KDM4C: variants seen among roughly 807,000 people sequenced by gnomAD.
KDM4C encodes lysine demethylase 4C.
In KDM4C, 81 loss-of-function variants were observed where a neutral mutation model predicts 129.3. That is an observed-to-expected ratio of 0.63 (90% CI 0.52 to 0.75). The LOEUF (loss-of-function observed/expected upper bound fraction) is 0.75. Ranked by LOEUF, KDM4C falls within the 30% of genes least tolerant of loss-of-function variation. The pLI is 0.00. For missense variants in KDM4C, 1,457 were observed against 1,304.0 expected, an observed-to-expected ratio of 1.12 and a Z score of -1.81; for synonymous variants, 573 against 456.1, an observed-to-expected ratio of 1.26 and a Z score of -3.26.
At chr9:6,883,704 A>G (rs1844823496) in intron 6 of KDM4C, among the ~76,000 whole-genome samples, 1 of 151,994 alleles carries the variant, frequency 6.6e-6, no homozygotes, top group Non-Finnish European at 1.5e-5. Flanking sequence ...ACTAGTAGGG[A>G]GGAATTATGG....
intron 17 of KDM4C, among the ~76,000 whole-genome samples, chr9:7,078,105 T>A (rs910239871): frequency 6.6e-6 from 1 of 152,222 alleles, no homozygotes; most frequent in Non-Finnish European, 1.5e-5. Flanking sequence ...TTATTTATTT[T>A]TTAATGCATT....
At chr9:7,046,292 G>A (rs746735160) in intron 15 of KDM4C, among the ~76,000 whole-genome samples, 13 of 151,952 alleles carry the variant, frequency 8.6e-5, no homozygotes, top group African/African-American at 1.2e-4. Flanking sequence ...TTCTCGGGCC[G>A]GATAGCTGGG....
chr9:6,937,912 A>G (rs112857047), intron 8 of KDM4C, among the ~76,000 whole-genome samples: 40 of 152,150 alleles, frequency 2.6e-4, no homozygotes, highest in African/African-American at 8.9e-4. Context: ...GGGATTCACC[A>G]TGTTGGCCAG....
intron 17 of KDM4C, among the ~76,000 whole-genome samples, chr9:7,091,015 G>T (rs571157293): frequency 1.3e-5 from 2 of 152,272 alleles, no homozygotes; most frequent in African/African-American, 4.8e-5. Context: ...GGGCAGGTGG[G>T]CCAGGTTGTG....
chr9:6,784,316 A>T (rs1825009706), intron 1 of KDM4C, among the ~76,000 whole-genome samples: 1 of 152,152 alleles, frequency 6.6e-6, no homozygotes, highest in African/African-American at 2.4e-5. Context: ...AGAAAATAAA[A>T]ATCCAGTTAG....
At chr9:6,877,509 T>C (rs944267195) in intron 5 of KDM4C, among the ~76,000 whole-genome samples, 2 of 152,194 alleles carry the variant, frequency 1.3e-5, no homozygotes, top group Non-Finnish European at 2.9e-5. Flanking sequence ...CTAACAAGAT[T>C]ATTTTTAAGG....
intron 8 of KDM4C, among the ~76,000 whole-genome samples, chr9:6,942,252 T>C (rs1343215601): frequency 6.6e-6 from 1 of 150,708 alleles, no homozygotes; most frequent in Non-Finnish European, 1.5e-5. Flanking sequence ...TTTAGCCTTA[T>C]CTATTTCTTT....
chr9:6,832,388 T>C (rs1834995873), intron 4 of KDM4C, among the ~76,000 whole-genome samples: 1 of 149,982 alleles, frequency 6.7e-6, no homozygotes, highest in Non-Finnish European at 1.5e-5. Context: ...GTCTAGAAAA[T>C]ATGAATAAAG....
chr9:6,858,655 C>T (rs955332440), intron 5 of KDM4C, among the ~76,000 whole-genome samples: 3 of 152,052 alleles, frequency 2.0e-5, no homozygotes, highest in African/African-American at 7.2e-5. Flanking sequence ...CGCCTGTAAT[C>T]CCAGCTACTC....
intron 4 of KDM4C, among the ~76,000 whole-genome samples, chr9:6,825,393 A>T (rs575460490): frequency 6.6e-6 from 1 of 152,232 alleles, no homozygotes; most frequent in Non-Finnish European, 1.5e-5. Context: ...GGTAAGATAC[A>T]TAGCAAAAGA....
Position 6,973,740 on chromosome 9 carries a change from A to C in KDM4C, c.922-7185A>C, listed in dbSNP as rs561050653. The stretch of plus-strand genomic sequence containing the variant: ...AAATTTTTCTCCTTATTGATTTGTT[A>C]ATCAATCCTCATCCCTTCCCTTCTT... On this transcript the variant is annotated intron_variant, in intron 8 of 21. Coordinates refer to ENST00000381309, the MANE Select transcript of KDM4C (RefSeq NM_015061.6). 4 of 152,276 alleles carry C rather than the reference A, an allele frequency of 2.6e-5. No individual in the cohort carries two copies. The South Asian group carries it at 8.3e-4, about 32-fold the overall frequency. 9.4% of individuals were successfully genotyped at this position (152,276 alleles called of 1,614,324 possible).
chr9:6,974,382 C>T (rs112610714), intron 8 of KDM4C, among the ~76,000 whole-genome samples: 1 of 152,184 alleles, frequency 6.6e-6, no homozygotes, highest in Non-Finnish European at 1.5e-5. Context: ...TCTTTTGAGA[C>T]GGAGTCTTAC....
chr9:7,126,926 T>C (rs1419046241), intron 18 of KDM4C, among the ~76,000 whole-genome samples: 1 of 151,852 alleles, frequency 6.6e-6, no homozygotes, highest in Admixed American at 6.6e-5. Flanking sequence ...ATTGGTCAAA[T>C]CTGGGACAGT....
At chr9:6,998,839 C>A (rs542848155) in intron 12 of KDM4C, among the ~76,000 whole-genome samples, 88 of 152,158 alleles carry the variant, frequency 5.8e-4, no homozygotes, top group South Asian at 2.1e-3. Context: ...ACAACAACAA[C>A]AAAAAATTGT....
intron 8 of KDM4C, among the ~76,000 whole-genome samples, chr9:6,949,149 G>A (rs1387743845): frequency 2.9e-4 from 43 of 150,060 alleles, no homozygotes; most frequent in African/African-American, 1.0e-3. Context: ...GCTGGGCGGA[G>A]GGGCTCCTCA....
In KDM4C at chr9:6,921,550, A is replaced by G. The variant is rs180974242; in HGVS notation, c.921+28318A>G. On this transcript the variant is annotated intron_variant, in intron 8 of 21. Transcript: ENST00000381309. ...CCCACTGCTCACCACACTCACCACTATTACTCTGGTCCAACCACTATAAGT... is the reference window on the plus strand; with the variant it reads ...CCCACTGCTCACCACACTCACCACTGTTACTCTGGTCCAACCACTATAAGT... Among the ~76,000 whole-genome samples the G allele has an allele frequency of 1.0e-3, 159 of 152,166 alleles. 1 individual carries two copies. The highest frequency in any genetic ancestry group is 1.6e-4 in the Non-Finnish European group (11 of 68,012).
intron 12 of KDM4C, among the ~76,000 whole-genome samples, chr9:6,996,398 A>T (rs1264237480): frequency 6.6e-6 from 1 of 152,194 alleles, no homozygotes; most frequent in Non-Finnish European, 1.5e-5. Flanking sequence ...TTCATCCTGC[A>T]CATGTGTGCA....
chr9:7,038,135 T>C (rs1304731931), intron 15 of KDM4C, among the ~76,000 whole-genome samples: 1 of 152,008 alleles, frequency 6.6e-6, no homozygotes, highest in Non-Finnish European at 1.5e-5. Flanking sequence ...TAAAAGAAAA[T>C]AGAAAAAAGA....
intron 1 of KDM4C, among the ~76,000 whole-genome samples, chr9:6,732,937 C>T (rs1004764808): frequency 3.3e-5 from 5 of 152,086 alleles, no homozygotes; most frequent in South Asian, 2.1e-4. Context: ...AGCTTGAAAC[C>T]AGGAGGTGGA....
Sources: allele counts gnomAD v4.1 joint callset (sites outside exome capture counted in the v4.1 genomes callset), GRCh38; gene constraint gnomAD v4.1.1; transcripts MANE v1.5; gene names NCBI Gene and HGNC (gene_info 2026-07-23, HGNC 2026-07-21).